Variants in DIAPH1 observed in about 807,000 individuals in gnomAD.
The protein encoded by DIAPH1 is diaphanous related formin 1.
In DIAPH1, 46 loss-of-function variants were observed where a neutral mutation model predicts 140.7. That is an observed-to-expected ratio of 0.33 (90% CI 0.26 to 0.42). The LOEUF is 0.42. Ranked by LOEUF, DIAPH1 falls within the 10% of genes least tolerant of loss-of-function variation. DIAPH1 has a pLI of 1.00. For missense variants in DIAPH1, 1,310 were observed against 1,558.7 expected, an observed-to-expected ratio of 0.84 and a Z score of 2.69; for synonymous variants, 565 against 551.6, an observed-to-expected ratio of 1.02 and a Z score of -0.34.
At chr5:141,524,581 G>T in intron 26 of DIAPH1, 1 of 367,916 alleles carries the variant, frequency 2.7e-6, no homozygotes, top group Non-Finnish European at 5.2e-6. Flanking sequence ...AAATTACTAA[G>T]CAACTATATC....
In DIAPH1 at chr5:141,593,313, G is replaced by A. The variant is rs187648515; in HGVS notation, c.118-5063C>T. On this transcript the variant is annotated intron_variant, in intron 1 of 27. Transcript: ENST00000389054. ...ACTACCCTCCCTTCTTCCAGCAGAG[G>A]TCTGGAAGTTTGTTCTCAGAAGAGG... Among the ~76,000 whole-genome samples, 47 of 152,264 alleles carry A rather than the reference G, an allele frequency of 3.1e-4. No homozygotes were observed. In the East Asian group the frequency reaches 7.3e-3, roughly 24 times the overall value.
chr5:141,581,640 A>G (rs2099896763), intron 7 of DIAPH1, among the ~76,000 whole-genome samples: 1 of 152,216 alleles, frequency 6.6e-6, no homozygotes, highest in Admixed American at 6.5e-5. Context: ...TTGAATTACT[A>G]AACAGACAAA....
intron 18 of DIAPH1, among the ~76,000 whole-genome samples, chr5:141,540,694 G>A (rs1260625326): frequency 6.6e-6 from 1 of 152,008 alleles, no homozygotes; most frequent in Non-Finnish European, 1.5e-5. Flanking sequence ...GCGATTACAG[G>A]CATGAGCCAC....
At chr5:141,517,809 T>C (rs1429634997) in intron 27 of DIAPH1, among the ~76,000 whole-genome samples, 1 of 152,110 alleles carries the variant, frequency 6.6e-6, no homozygotes, top group Non-Finnish European at 1.5e-5. Flanking sequence ...TCATACCAGA[T>C]TAGAAAAGAA....
intron 18 of DIAPH1, chr5:141,563,999 G>T (rs2099893989): frequency 6.6e-6 from 1 of 152,188 alleles, no homozygotes; most frequent in Non-Finnish European, 1.5e-5. Context: ...ACAGAGATGG[G>T]ATTATGAGTG....
intron 18 of DIAPH1, among the ~76,000 whole-genome samples, chr5:141,562,627 A>AAAAAAAAAAG (rs2099893761): frequency 6.6e-6 from 1 of 151,584 alleles, no homozygotes; most frequent in Non-Finnish European, 1.5e-5. Flanking sequence ...AAACAAACAA[A>AAAAAAAAAAG]AAAAAACAGA....
intron 18 of DIAPH1, among the ~76,000 whole-genome samples, chr5:141,539,427 T>G (rs890027878): frequency 7.8e-6 from 1 of 127,950 alleles, no homozygotes; most frequent in South Asian, 2.2e-4. Flanking sequence ...TGTTTTTTTT[T>G]TTGTTTTTTT....
intron 18 of DIAPH1, among the ~76,000 whole-genome samples, chr5:141,567,413 T>C (rs780962504): frequency 5.9e-5 from 9 of 152,308 alleles, no homozygotes; most frequent in African/African-American, 2.2e-4. Flanking sequence ...CTTGATATTA[T>C]AGAACTTCCC....
intron 1 of DIAPH1, among the ~76,000 whole-genome samples, chr5:141,612,395 A>C (rs568241290): frequency 6.6e-6 from 1 of 152,364 alleles, no homozygotes; most frequent in South Asian, 2.1e-4. Flanking sequence ...AAAACTGGGA[A>C]CACCCCAAAT....
At chr5:141,552,751 T>C (rs2099891919) in intron 18 of DIAPH1, among the ~76,000 whole-genome samples, 1 of 152,148 alleles carries the variant, frequency 6.6e-6, no homozygotes, top group South Asian at 2.1e-4. Flanking sequence ...AGAGGAAATC[T>C]GGACACACAA....
intron 13 of DIAPH1, 111 bp downstream of exon 13, chr5:141,576,645 G>C (rs758827531): frequency 6.2e-6 from 5 of 804,592 alleles, no homozygotes; most frequent in East Asian, 2.6e-5. Flanking sequence ...GACAAAAATA[G>C]AACTATCTGG....
In DIAPH1 at chr5:141,526,133, T is replaced by C; in HGVS notation, c.3479A>G (p.Glu1160Gly). 1 of 1,614,116 alleles carries C rather than the reference T, an allele frequency of 6.2e-7. No homozygotes were observed. Among genetic ancestry groups the C allele is most frequent in the Non-Finnish European group, 8.5e-7 (1 of 1,180,020 alleles). The change falls in exon 26 of 28, where the codon GAA becomes GGA. Residue 1160 changes from glutamate (E) to glycine (G), a missense_variant. Physicochemically the swap from Glu to Gly is moderately conservative, Grantham distance 98 (BLOSUM62 -2). Transcript: ENST00000389054. ...KENQKRRETE[E>G]KMRRAKLAKE... Reference sequence around the variant, plus strand: ...GGCTAGTTTTGCTCGCCTCATCTTTTCTTCTGTCTCCCGCCGCTTCTGGTT... The same window carrying C: ...GGCTAGTTTTGCTCGCCTCATCTTTCCTTCTGTCTCCCGCCGCTTCTGGTT...
intron 24 of DIAPH1, among the ~76,000 whole-genome samples, chr5:141,527,156 G>C (rs991525970): frequency 6.6e-6 from 1 of 152,060 alleles, no homozygotes; most frequent in African/African-American, 2.4e-5. Flanking sequence ...TTTTATGGTT[G>C]ATCTGCATGG....
intron 18 of DIAPH1, among the ~76,000 whole-genome samples, chr5:141,566,022 C>G (rs1482895695): frequency 6.6e-6 from 1 of 152,118 alleles, no homozygotes; most frequent in African/African-American, 2.4e-5. Flanking sequence ...AAGAACAAAA[C>G]CCAAGCGAAT....
chr5:141,559,614 T>A (rs1451553312), intron 18 of DIAPH1, among the ~76,000 whole-genome samples: 1 of 152,150 alleles, frequency 6.6e-6, no homozygotes, highest in African/African-American at 2.4e-5. Context: ...ATTTGGTCTT[T>A]CAGATAATAT....
intron 18 of DIAPH1, among the ~76,000 whole-genome samples, chr5:141,556,139 A>G (rs2099892535): frequency 6.6e-6 from 1 of 152,188 alleles, no homozygotes; most frequent in African/African-American, 2.4e-5. Flanking sequence ...GAGTATCTCC[A>G]AAAAGGTCAA....
intron 24 of DIAPH1, among the ~76,000 whole-genome samples, chr5:141,526,940 G>A (rs1265723416): frequency 6.6e-6 from 1 of 152,092 alleles, no homozygotes; most frequent in Non-Finnish European, 1.5e-5. Flanking sequence ...CTAAAAGGAG[G>A]TTTTCTATAA....
chr5:141,592,410 A>G (rs973396028), intron 1 of DIAPH1, among the ~76,000 whole-genome samples: 20 of 152,188 alleles, frequency 1.3e-4, no homozygotes, highest in African/African-American at 4.1e-4. Flanking sequence ...AGCTTTGTTC[A>G]GTAGTCATTT....
At chr5:141,560,921 A>G (rs532645787) in intron 18 of DIAPH1, 3 of 455,952 alleles carry the variant, frequency 6.6e-6, no homozygotes, top group Non-Finnish European at 4.4e-6. Flanking sequence ...GAAGCCAGGA[A>G]AGGGTGGGGA....
Sources: gnomAD v4.1 joint callset for allele counts (sites outside exome capture counted in the v4.1 genomes callset) on GRCh38, gnomAD v4.1.1 for gene constraint, MANE v1.5 for transcripts, NCBI Gene and HGNC (gene_info 2026-07-23, HGNC 2026-07-21) for gene names.